The following ENAH variants were observed in gnomAD, a reference collection of about 807,000 sequenced individuals.
ENAH encodes the protein ENAH actin regulator.
Under a neutral mutation model 78.7 loss-of-function variants are expected in ENAH, and 23 were observed. That is an observed-to-expected ratio of 0.29 (90% CI 0.21 to 0.41). The LOEUF (loss-of-function observed/expected upper bound fraction) is 0.41. Ranked by LOEUF, ENAH falls within the 10% of genes least tolerant of loss-of-function variation. The pLI, the probability that ENAH is intolerant of heterozygous loss-of-function variation, is 1.00. For missense variants in ENAH, 544 were observed against 691.0 expected, an observed-to-expected ratio of 0.79 and a Z score of 2.39; for synonymous variants, 226 against 241.0, an observed-to-expected ratio of 0.94 and a Z score of 0.58.
At chr1:225,549,876 C>T (rs916914315) in intron 3 of ENAH, among the ~76,000 whole-genome samples, 2 of 152,138 alleles carry the variant, frequency 1.3e-5, no homozygotes, top group African/African-American at 2.4e-5. Context: ...TCTTTCTCAC[C>T]GGTATTATTA....
At chr1:225,648,776 T>A (rs1035844030) in intron 1 of ENAH, among the ~76,000 whole-genome samples, 5 of 150,700 alleles carry the variant, frequency 3.3e-5, no homozygotes, top group Non-Finnish European at 5.9e-5. Flanking sequence ...TTTTTTTTTT[T>A]ACCAGTTTAC....
intron 1 of ENAH, among the ~76,000 whole-genome samples, chr1:225,604,598 A>C (rs996083387): frequency 6.6e-6 from 1 of 150,978 alleles, no homozygotes; most frequent in African/African-American, 2.4e-5. Flanking sequence ...AGCCTGGCCA[A>C]CATGGTAAAA....
chr1:225,630,135 AT>A (rs1658736292), intron 1 of ENAH, among the ~76,000 whole-genome samples: 1 of 152,226 alleles, frequency 6.6e-6, no homozygotes, highest in East Asian at 1.9e-4. Context: ...TAGAAAAAAA[AT>A]GTCTAGAAGA....
intron 1 of ENAH, among the ~76,000 whole-genome samples, chr1:225,641,669 G>A (rs1661088930): frequency 6.6e-6 from 1 of 150,828 alleles, no homozygotes; most frequent in South Asian, 2.1e-4. Context: ...GGCAGATCAC[G>A]TGAGGTCCGG....
intron 1 of ENAH, among the ~76,000 whole-genome samples, chr1:225,616,533 G>A (rs988387713): frequency 2.0e-5 from 3 of 151,908 alleles, no homozygotes; most frequent in Non-Finnish European, 2.9e-5. Flanking sequence ...TTGATGTATG[G>A]TTGAAATGCG....
intron 1 of ENAH, among the ~76,000 whole-genome samples, chr1:225,629,388 C>G (rs1431498189): frequency 1.3e-5 from 2 of 152,108 alleles, no homozygotes; most frequent in African/African-American, 4.8e-5. Context: ...GAATTCGTGA[C>G]CAGCCTGGCC....
At chr1:225,562,598 A>C (rs1451320425) in intron 2 of ENAH, among the ~76,000 whole-genome samples, 4 of 147,822 alleles carry the variant, frequency 2.7e-5, no homozygotes, top group Non-Finnish European at 6.0e-5. Flanking sequence ...AAAAAAAAAA[A>C]AAAACACACC....
intron 1 of ENAH, among the ~76,000 whole-genome samples, chr1:225,590,689 C>T (rs1399358406): frequency 6.6e-6 from 1 of 152,066 alleles, no homozygotes; most frequent in Non-Finnish European, 1.5e-5. Context: ...CTGCCAACAT[C>T]CCTATGTCAG....
chr1:225,549,124 A>AC (rs2096629752), intron 3 of ENAH, among the ~76,000 whole-genome samples: 2 of 152,160 alleles, frequency 1.3e-5, no homozygotes, highest in South Asian at 4.1e-4. Flanking sequence ...TGCTGGGATT[A>AC]CAGGTGTATG....
At chr1:225,601,390 C>T (rs148832545) in intron 1 of ENAH, among the ~76,000 whole-genome samples, 6,487 of 151,896 alleles carry the variant, frequency 0.043, 225 homozygotes, top group South Asian at 0.1. Context: ...TGGTGGCGGA[C>T]GCATGTAGTC....
chr1:225,592,029 C>T (rs977231336), intron 1 of ENAH, among the ~76,000 whole-genome samples: 5 of 152,136 alleles, frequency 3.3e-5, no homozygotes, highest in Admixed American at 2.0e-4. Context: ...AACAGTAATA[C>T]CTCATGGATC....
intron 6 of ENAH, chr1:225,515,124 A>G: frequency 1.9e-6 from 1 of 526,458 alleles, no homozygotes; most frequent in Admixed American, 3.9e-5. Context: ...AGCTTTAGTA[A>G]TAGAACTATG....
chr1:225,599,298 AGAAAGAGGAAGGCTAAAGGGAG>A (rs1003624646), intron 1 of ENAH, among the ~76,000 whole-genome samples: 18 of 152,234 alleles, frequency 1.2e-4, no homozygotes, highest in African/African-American at 4.3e-4. Context: ...TCCTGAATGG[AGAAAGAGGAAGGCTAAAGGGAG>A]GACAGTAAGA....
intron 1 of ENAH, among the ~76,000 whole-genome samples, chr1:225,632,692 G>T (rs1659311891): frequency 1.3e-5 from 2 of 152,194 alleles, no homozygotes; most frequent in Non-Finnish European, 2.9e-5. Context: ...GAAATATAAT[G>T]CATGTAAAGG....
chr1:225,549,906 T>A (rs1447182360), intron 3 of ENAH, among the ~76,000 whole-genome samples: 1 of 152,168 alleles, frequency 6.6e-6, no homozygotes, highest in African/African-American at 2.4e-5. Context: ...CCTGAATTGA[T>A]CTTCATGCTT....
At chr1:225,551,619 C>T (rs1400399543) in intron 3 of ENAH, among the ~76,000 whole-genome samples, 2 of 151,898 alleles carry the variant, frequency 1.3e-5, no homozygotes, top group Admixed American at 1.3e-4. Context: ...ACTGAACTAC[C>T]AAAGATCTCA....
chr1:225,648,035 C>T (rs1431422530), intron 1 of ENAH, among the ~76,000 whole-genome samples: 2 of 152,070 alleles, frequency 1.3e-5, no homozygotes, highest in African/African-American at 2.4e-5. Context: ...ATGTTAGGGG[C>T]AAGTCAAGGA....
Position 225,491,515 on chromosome 1 carries a change from G to T in ENAH, c.*6260C>A, listed in dbSNP as rs1200658263. The T allele has an allele frequency of 6.6e-6, 1 of 151,094 alleles. No individual in the cohort carries two copies. Among genetic ancestry groups the T allele is most frequent in the Non-Finnish European group, 1.5e-5 (1 of 67,926 alleles). The allele number at this position is 151,094 out of a possible 1,614,324, so 9.4% of individuals were successfully genotyped here. A position where few individuals can be genotyped will look rare whatever the true frequency, so the allele number is the denominator to read the frequency against. ...AAAAGAAAAAGAAAAAAAGAAAAGA[G>T]GTTTCACAGATGTGACTAAAGCATG... On this transcript the variant is annotated 3_prime_UTR_variant, in exon 14 of 14. Coordinates refer to ENST00000366843, the MANE Select transcript of ENAH (RefSeq NM_018212.6).
chr1:225,634,853 G>A (rs1360416991), intron 1 of ENAH, among the ~76,000 whole-genome samples: 1 of 152,120 alleles, frequency 6.6e-6, no homozygotes, highest in Non-Finnish European at 1.5e-5. Context: ...TTTTGAAATC[G>A]GGAAGTGTCT....
Sources: gnomAD v4.1 joint callset for allele counts (sites outside exome capture counted in the v4.1 genomes callset) on GRCh38, gnomAD v4.1.1 for gene constraint, MANE v1.5 for transcripts, NCBI Gene and HGNC (gene_info 2026-07-23, HGNC 2026-07-21) for gene names.